The following PSD3 variants were observed in gnomAD, a reference collection of about 807,000 sequenced individuals.
PSD3 encodes pleckstrin and Sec7 domain containing 3, also known as PH and SEC7 domain-containing protein 3.
Under a neutral mutation model 105.5 loss-of-function variants are expected in PSD3, and 49 were observed. The observed-to-expected ratio is 0.46, with a 90% CI of 0.37 to 0.59. The LOEUF (loss-of-function observed/expected upper bound fraction) is 0.59. Among genes scored for constraint, PSD3 ranks in the 20% least tolerant of loss-of-function variants. PSD3 has a pLI of 0.00. For missense variants in PSD3, 1,561 were observed against 1,263.8 expected, an observed-to-expected ratio of 1.24 and a Z score of -3.57; for synonymous variants, 557 against 457.8, an observed-to-expected ratio of 1.22 and a Z score of -2.77.
At chr8:18,667,431 C>T (rs1799535273) in intron 9 of PSD3, among the ~76,000 whole-genome samples, 1 of 152,124 alleles carries the variant, frequency 6.6e-6, no homozygotes, top group Non-Finnish European at 1.5e-5. Flanking sequence ...TTGGTGTATT[C>T]CCAAGCCCTT....
At chr8:18,720,529 T>G (rs1003031030) in intron 9 of PSD3, among the ~76,000 whole-genome samples, 1 of 152,274 alleles carries the variant, frequency 6.6e-6, no homozygotes, top group East Asian at 1.9e-4. Flanking sequence ...CAATTAACAA[T>G]TGGCAAGAAT....
intron 1 of PSD3, among the ~76,000 whole-genome samples, chr8:19,053,658 G>C (rs1437622894): frequency 1.3e-5 from 2 of 152,018 alleles, no homozygotes; most frequent in African/African-American, 4.8e-5. Flanking sequence ...GGTGGGTGGT[G>C]GTGGGCGCCT....
intron 1 of PSD3, among the ~76,000 whole-genome samples, chr8:18,971,380 C>T (rs1354585820): frequency 1.3e-5 from 2 of 152,182 alleles, no homozygotes; most frequent in Admixed American, 6.5e-5. Flanking sequence ...CCCTCCCATG[C>T]GCCTGGGCTC....
chr8:18,594,931 C>G (rs1803979551), intron 12 of PSD3, among the ~76,000 whole-genome samples: 1 of 151,718 alleles, frequency 6.6e-6, no homozygotes, highest in Non-Finnish European at 1.5e-5. Context: ...TGGTTGAATT[C>G]AAATGCAGCA....
intron 4 of PSD3, among the ~76,000 whole-genome samples, chr8:18,861,189 T>C (rs1816408599): frequency 6.6e-6 from 1 of 152,102 alleles, no homozygotes; most frequent in Admixed American, 6.5e-5. Flanking sequence ...CCAGTGCACT[T>C]AGCTTCCATC....
At chr8:18,648,078 G>A (rs1405554330) in intron 10 of PSD3, among the ~76,000 whole-genome samples, 1 of 152,158 alleles carries the variant, frequency 6.6e-6, no homozygotes, top group Non-Finnish European at 1.5e-5. Context: ...TTATGGCAGT[G>A]CCAGAATAAA....
intron 15 of PSD3, among the ~76,000 whole-genome samples, chr8:18,548,016 C>T (rs1475873011): frequency 5.3e-5 from 8 of 152,084 alleles, no homozygotes; most frequent in African/African-American, 1.9e-4. Flanking sequence ...TTTTTTCCCC[C>T]ATCTGATTAG....
chr8:18,608,067 C>G (rs777609840), intron 11 of PSD3, among the ~76,000 whole-genome samples: 6 of 152,148 alleles, frequency 3.9e-5, no homozygotes, highest in Non-Finnish European at 7.4e-5. Flanking sequence ...CACAGCCAAA[C>G]CATATCACCA....
intron 4 of PSD3, among the ~76,000 whole-genome samples, chr8:18,853,496 T>C (rs1312234115): frequency 6.6e-6 from 1 of 152,120 alleles, no homozygotes; most frequent in East Asian, 1.9e-4. Flanking sequence ...AACAGAAACT[T>C]TCCCAGAAAG....
chr8:18,536,486 G>A lies in PSD3; in HGVS notation c.2929-528C>T, dbSNP rs147185890. On this transcript the variant is annotated intron_variant, in intron 15 of 15. Transcript: ENST00000327040. ...ATCTCCTGGACAGTCAGTCCCCTAT[G>A]AGACCATACCACCTTCTAGAAGCTG... Among the ~76,000 whole-genome samples the A allele has an allele frequency of 2.9e-3, 444 of 152,308 alleles. 2 individuals carry two copies. The highest frequency in any genetic ancestry group is 0.01 in the African/African-American group (430 of 41,558).
rs111975437 is a variant in PSD3, at chr8:18,532,574, T to C, written c.*3169A>G. Reference sequence around the variant, plus strand: ...TCCATCAGAGGACTCTCTCCCATCATGGTTTTGCTGAGATTAATTAAAATT... The same window carrying C: ...TCCATCAGAGGACTCTCTCCCATCACGGTTTTGCTGAGATTAATTAAAATT... On this transcript the variant is annotated 3_prime_UTR_variant, in exon 16 of 16. Coordinates refer to ENST00000327040, the MANE Select transcript of PSD3 (RefSeq NM_015310.4). 2.0e-5 allele frequency: 3 copies of C among 152,332 alleles called. No individual in the cohort carries two copies. The highest frequency in any genetic ancestry group is 4.8e-5 in the African/African-American group (2 of 41,570). The allele number at this position is 152,332 out of a possible 1,614,324, so 9.4% of individuals were successfully genotyped here.
At chr8:19,001,867 C>A in intron 1 of PSD3, 1 of 174,810 alleles carries the variant, frequency 5.7e-6, no homozygotes, top group East Asian at 1.4e-4. Context: ...CTGCGGTGTC[C>A]CCAGCATCCC....
chr8:18,894,992 C>A (rs370860916), intron 2 of PSD3, among the ~76,000 whole-genome samples: 13 of 152,284 alleles, frequency 8.5e-5, no homozygotes, highest in South Asian at 4.1e-4. Context: ...AAGTCATTGC[C>A]AGTGACAGGC....
At chr8:18,716,032 G>C (rs1173701073) in intron 9 of PSD3, among the ~76,000 whole-genome samples, 1 of 152,220 alleles carries the variant, frequency 6.6e-6, no homozygotes, top group Non-Finnish European at 1.5e-5. Flanking sequence ...AGGGTAAGAG[G>C]ACAGAGCATA....
intron 2 of PSD3, among the ~76,000 whole-genome samples, chr8:18,890,285 T>C (rs6995178): frequency 0.02 from 3,004 of 152,274 alleles, 92 homozygotes; most frequent in African/African-American, 0.069. Context: ...GTCTGGTTCT[T>C]AGATCTTGAA....
chr8:18,984,602 G>A (rs972721437), intron 1 of PSD3, among the ~76,000 whole-genome samples: 1 of 152,064 alleles, frequency 6.6e-6, no homozygotes, highest in South Asian at 2.1e-4. Context: ...TTTAAAATGA[G>A]GCCACAATAT....
chr8:18,563,395 G>A (rs1042544891), intron 14 of PSD3, among the ~76,000 whole-genome samples: 1 of 151,852 alleles, frequency 6.6e-6, no homozygotes, highest in African/African-American at 2.4e-5. Flanking sequence ...TGTTTCCTTT[G>A]TGCTGTCTTA....
At chr8:18,775,385 G>T (rs1443493244) in intron 8 of PSD3, among the ~76,000 whole-genome samples, 1 of 152,114 alleles carries the variant, frequency 6.6e-6, no homozygotes, top group Non-Finnish European at 1.5e-5. Context: ...CCAAGCAGTG[G>T]GAATGGAGAG....
chr8:18,577,503 T>C (rs541100947), intron 12 of PSD3, among the ~76,000 whole-genome samples: 1 of 152,220 alleles, frequency 6.6e-6, no homozygotes, highest in African/African-American at 2.4e-5. Context: ...CTTGTTGCAT[T>C]TCTGATAAGT....
Sources: gnomAD v4.1 joint callset for allele counts (sites outside exome capture counted in the v4.1 genomes callset) on GRCh38, gnomAD v4.1.1 for gene constraint, MANE v1.5 for transcripts, NCBI Gene and HGNC (gene_info 2026-07-23, HGNC 2026-07-21) for gene names.